RAD51: variants seen among roughly 807,000 people sequenced by gnomAD.
RAD51 encodes the protein DNA repair protein RAD51 homolog 1.
A neutral mutation model predicts 41.5 loss-of-function variants in RAD51; 14 were observed. The observed-to-expected ratio is 0.34, with a 90% CI of 0.22 to 0.53. The LOEUF is 0.53. RAD51 is among the 20% of genes least tolerant of loss of function. The pLI, the probability that RAD51 is intolerant of heterozygous loss-of-function variation, is 0.95. For missense variants in RAD51, 234 were observed against 422.0 expected, an observed-to-expected ratio of 0.55 and a Z score of 3.90; for synonymous variants, 136 against 148.6, an observed-to-expected ratio of 0.92 and a Z score of 0.62.
intron 6 of RAD51, 110 bp downstream of exon 6, chr15:40,719,009 T>C (rs546123457): frequency 1.0e-6 from 1 of 985,828 alleles, no homozygotes; most frequent in East Asian, 2.5e-5. Flanking sequence ...CGTCCCAAAG[T>C]TGTATGTGTG....
Position 40,731,182 on chromosome 15 carries a change from A to G in RAD51, c.*4A>G. The G allele has an allele frequency of 3.1e-6, 5 of 1,614,040 alleles. No homozygotes were observed. The highest frequency in any genetic ancestry group is 4.2e-6 in the Non-Finnish European group (5 of 1,179,970). ...AGTGGGAGATGCCAAAGACTGAATCATTGGGTTTTTCCTCTGTTAAAAACC... is the reference window on the plus strand; with the variant it reads ...AGTGGGAGATGCCAAAGACTGAATCGTTGGGTTTTTCCTCTGTTAAAAACC... On this transcript the variant is annotated 3_prime_UTR_variant, in exon 10 of 10. Transcript: ENST00000267868.
At chr15:40,716,723 C>T (rs1276430580) in intron 5 of RAD51, among the ~76,000 whole-genome samples, 2 of 142,358 alleles carry the variant, frequency 1.4e-5, no homozygotes, top group Non-Finnish European at 3.0e-5. Context: ...TGTAGTGGCA[C>T]GATCTCGGCT....
intron 1 of RAD51, among the ~76,000 whole-genome samples, chr15:40,697,629 G>A (rs942332289): frequency 3.5e-5 from 5 of 141,052 alleles, no homozygotes; most frequent in African/African-American, 1.4e-4. Flanking sequence ...CCAGGCTGGA[G>A]TGCAGTGGCG....
intron 4 of RAD51, among the ~76,000 whole-genome samples, chr15:40,707,150 A>ATTTT (rs751900607): frequency 0.012 from 1,165 of 93,608 alleles, 62 homozygotes; most frequent in African/African-American, 0.024. Context: ...CACCTGGCTA[A>ATTTT]TTTTTTTTTT....
intron 5 of RAD51, among the ~76,000 whole-genome samples, chr15:40,712,749 A>C (rs1895766916): frequency 6.6e-6 from 1 of 152,180 alleles, no homozygotes. Context: ...TGCCATGGGC[A>C]CAACTTACTG....
chr15:40,698,890 C>T (rs1409304078), intron 2 of RAD51, 45 bp downstream of exon 2: 3 of 1,552,122 alleles, frequency 1.9e-6, no homozygotes, highest in African/African-American at 1.4e-5. Context: ...CTAGATTCTT[C>T]TACCTAGTGG....
intron 2 of RAD51, among the ~76,000 whole-genome samples, chr15:40,699,883 G>A (rs1232823224): frequency 6.6e-6 from 1 of 152,138 alleles, no homozygotes; most frequent in Non-Finnish European, 1.5e-5. Context: ...TAGGAGGAAA[G>A]CAGAGAAAGA....
chr15:40,714,451 A>G (rs1416952658), intron 5 of RAD51, among the ~76,000 whole-genome samples: 1 of 152,240 alleles, frequency 6.6e-6, no homozygotes, highest in African/African-American at 2.4e-5. Context: ...AACTCAGCAT[A>G]GCATGCTGAC....
intron 1 of RAD51, 138 bp from the exon 2 acceptor site, chr15:40,698,619 A>T (rs1894798947): frequency 1.3e-6 from 1 of 765,012 alleles, no homozygotes; most frequent in Non-Finnish European, 2.3e-6. Flanking sequence ...ATAAAGCAGG[A>T]GAACAGAGAG....
intron 5 of RAD51, among the ~76,000 whole-genome samples, chr15:40,713,607 A>ATTTTTTTTTT (rs761493133): frequency 7.8e-6 from 1 of 127,554 alleles, no homozygotes; most frequent in East Asian, 2.4e-4. Flanking sequence ...AAATGTTACA[A>ATTTTTTTTTT]TTTTTTTTTT....
At chr15:40,695,641 A>T (rs1368756574) in intron 1 of RAD51, 3 of 152,230 alleles carry the variant, frequency 2.0e-5, no homozygotes, top group Non-Finnish European at 4.4e-5. Context: ...GAAACATTAG[A>T]GCCTTTATAG....
At position 40,731,197 on chromosome 15, in the gene RAD51, T is replaced by C. The variant is rs1267920287; in HGVS notation, c.*19T>C. On this transcript the variant is annotated 3_prime_UTR_variant, in exon 10 of 10. Coordinates refer to ENST00000267868, the MANE Select transcript of RAD51 (RefSeq NM_002875.5). ...AGACTGAATCATTGGGTTTTTCCTC[T>C]GTTAAAAACCTTAAGTGCTGCAGCC... 2 of 1,613,904 alleles carry C rather than the reference T, an allele frequency of 1.2e-6. No individual in the cohort carries two copies. Among genetic ancestry groups the C allele is most frequent in the African/African-American group, 1.3e-5 (1 of 75,048 alleles).
At chr15:40,706,379 A>G in intron 4 of RAD51, 85 bp downstream of exon 4, 4 of 1,122,240 alleles carry the variant, frequency 3.6e-6, no homozygotes, top group Non-Finnish European at 5.4e-6. Flanking sequence ...TTTGTGTAGC[A>G]TTTCCTTGTT....
In RAD51 at chr15:40,701,808, G is replaced by A. The variant is rs148981648; in HGVS notation, c.225+607G>A. ...TTTTTTTTTTTTTTTTTTTTGAGAC[G>A]GAGTCTCGCTCTGTTGCCAGGCTGG... On this transcript the variant is annotated intron_variant, in intron 3 of 9. Transcript: ENST00000267868. 2.0e-3 allele frequency: 404 copies of A among 201,140 alleles called. 1 individual carries two copies. The highest frequency in any genetic ancestry group is 3.1e-3 in the Admixed American group (40 of 12,966). 12.5% of individuals were successfully genotyped at this position (201,140 alleles called of 1,614,324 possible). A position where few individuals can be genotyped will look rare whatever the true frequency, so the allele number is the denominator to read the frequency against.
chr15:40,695,009 T>C (rs1894516172), upstream of RAD51: 1 of 152,244 alleles, frequency 6.6e-6, no homozygotes, highest in Admixed American at 6.5e-5. Flanking sequence ...AATTAGTCCT[T>C]ACGCAAAAAG....
chr15:40,699,221 G>C (rs557962362), intron 2 of RAD51, among the ~76,000 whole-genome samples: 1 of 152,204 alleles, frequency 6.6e-6, no homozygotes, highest in South Asian at 2.1e-4. Flanking sequence ...TCGGCTCACC[G>C]CAACCTCTGC....
chr15:40,724,960 C>T (rs1373089805), intron 6 of RAD51, among the ~76,000 whole-genome samples: 4 of 132,994 alleles, frequency 3.0e-5, no homozygotes, highest in African/African-American at 8.9e-5. Context: ...ACTGCAGTGG[C>T]GCAATCTCGG....
At chr15:40,698,670 T>C in intron 1 of RAD51, 87 bp from the exon 2 acceptor site, 2 of 1,298,878 alleles carry the variant, frequency 1.5e-6, no homozygotes, top group South Asian at 1.2e-5. Flanking sequence ...TAAAGTCTTT[T>C]TGATACGACT....
At chr15:40,702,438 T>C (rs1038494446) in intron 3 of RAD51, among the ~76,000 whole-genome samples, 1 of 152,246 alleles carries the variant, frequency 6.6e-6, no homozygotes, top group African/African-American at 2.4e-5. Flanking sequence ...CAATATGGTA[T>C]AGACTTACGT....
Sources: allele counts gnomAD v4.1 joint callset (sites outside exome capture counted in the v4.1 genomes callset), GRCh38; gene constraint gnomAD v4.1.1; transcripts MANE v1.5; gene names NCBI Gene and HGNC (gene_info 2026-07-23, HGNC 2026-07-21).